The following MEMO1 variants were observed in gnomAD, a reference collection of about 807,000 sequenced individuals.
The protein encoded by MEMO1 is protein MEMO1.
A neutral mutation model predicts 45.2 loss-of-function variants in MEMO1; 6 were observed. The ratio of observed to expected loss-of-function variants is 0.13; its 90% confidence interval spans 0.07 to 0.26. MEMO1 has a LOEUF of 0.26. Among genes scored for constraint, MEMO1 ranks in the 10% least tolerant of loss-of-function variants. The pLI, the probability that MEMO1 is intolerant of heterozygous loss-of-function variation, is 1.00. For synonymous variants in MEMO1, 78 were observed against 124.3 expected (o/e 0.63, Z 2.48); for missense variants, 184 against 370.5 (o/e 0.50, Z 4.13).
intron 2 of MEMO1, among the ~76,000 whole-genome samples, chr2:32,002,502 T>A (rs887378417): frequency 6.6e-6 from 1 of 151,944 alleles, no homozygotes; most frequent in Admixed American, 6.6e-5. Flanking sequence ...TAGGATAAAG[T>A]AAGTTCAGTG....
rs376669419 is a variant in MEMO1, at chr2:31,897,830, A to G, written c.438-5696T>C. Among the ~76,000 whole-genome samples, 740 of 150,712 alleles carry G rather than the reference A, an allele frequency of 4.9e-3. 5 individuals are homozygous for G. Among genetic ancestry groups the G allele is most frequent in the Middle Eastern group, 0.025 (7 of 278 alleles). ...TTTGTACCTCTGGTAGAATTCAGCT[A>G]TGAATGCATCTGGTCCTGGGCTTTT... is the stretch of plus-strand genomic sequence containing the variant. On this transcript the variant is annotated intron_variant, in intron 6 of 9. Coordinates refer to ENST00000404530, the MANE Select transcript of MEMO1 (RefSeq NM_001301833.4).
chr2:31,869,159 C>T (rs1673292696), intron 9 of MEMO1, among the ~76,000 whole-genome samples: 1 of 152,146 alleles, frequency 6.6e-6, no homozygotes, highest in African/African-American at 2.4e-5. Flanking sequence ...AAGGTCCTAA[C>T]TTAGTCTATT....
At chr2:31,906,451 G>A (rs951649453) in intron 6 of MEMO1, among the ~76,000 whole-genome samples, 3 of 151,856 alleles carry the variant, frequency 2.0e-5, no homozygotes, top group Non-Finnish European at 4.4e-5. Flanking sequence ...AACCTCCCAA[G>A]TAGCTTGGAT....
chr2:31,982,957 G>A (rs1027743359), intron 2 of MEMO1, among the ~76,000 whole-genome samples: 1 of 151,956 alleles, frequency 6.6e-6, no homozygotes, highest in Non-Finnish European at 1.5e-5. Flanking sequence ...AATATACATA[G>A]GCCAGGTGCA....
chr2:31,879,309 A>T (rs546440332), intron 8 of MEMO1, among the ~76,000 whole-genome samples: 1 of 152,216 alleles, frequency 6.6e-6, no homozygotes, highest in East Asian at 1.9e-4. Context: ...GCTCATTCTC[A>T]GTTCTCTCTA....
At chr2:31,965,769 A>G (rs1340663226) in intron 2 of MEMO1, among the ~76,000 whole-genome samples, 2 of 152,258 alleles carry the variant, frequency 1.3e-5, no homozygotes, top group East Asian at 1.9e-4. Context: ...GAGCTGAACA[A>G]TGAGAACACA....
chr2:31,885,177 T>C (rs1676006916), intron 7 of MEMO1, among the ~76,000 whole-genome samples: 1 of 152,150 alleles, frequency 6.6e-6, no homozygotes, highest in Non-Finnish European at 1.5e-5. Flanking sequence ...TAGAGTGCAG[T>C]GGTGCAATCT....
chr2:31,969,316 A>G lies in MEMO1; in HGVS notation c.62-25933T>C, dbSNP rs371619252. Among the ~76,000 whole-genome samples the G allele has an allele frequency of 5.3e-5, 8 of 150,606 alleles. No individual in the cohort carries two copies. In the East Asian group the frequency reaches 1.6e-3, roughly 29 times the overall value. ...ACATAATATATATACACATATATAC[A>G]TGTGTGATATGTGTGTATATATACA... On this transcript the variant is annotated intron_variant, in intron 2 of 9. Coordinates refer to ENST00000404530, the MANE Select transcript of MEMO1 (RefSeq NM_001301833.4).
chr2:31,962,790 G>C (rs1437799795), intron 2 of MEMO1, among the ~76,000 whole-genome samples: 1 of 152,144 alleles, frequency 6.6e-6, no homozygotes, highest in East Asian at 1.9e-4. Flanking sequence ...TTAATTTTAT[G>C]TGTTGACTTA....
At chr2:32,007,042 C>T (rs987299969) in intron 2 of MEMO1, among the ~76,000 whole-genome samples, 7 of 150,290 alleles carry the variant, frequency 4.7e-5, no homozygotes, top group African/African-American at 1.5e-4. Context: ...CTATTTGCAT[C>T]ATATTAGTCC....
chr2:31,914,515 A>C (rs1469591614), intron 6 of MEMO1, among the ~76,000 whole-genome samples: 1 of 152,206 alleles, frequency 6.6e-6, no homozygotes, highest in Non-Finnish European at 1.5e-5. Context: ...GGAACACTAA[A>C]GATAAATGCT....
At chr2:31,895,401 T>C (rs941211599) in intron 6 of MEMO1, among the ~76,000 whole-genome samples, 1 of 152,132 alleles carries the variant, frequency 6.6e-6, no homozygotes, top group African/African-American at 2.4e-5. Context: ...TATAACTAAA[T>C]AGGGAATATC....
intron 8 of MEMO1, among the ~76,000 whole-genome samples, chr2:31,878,707 C>A (rs1485913500): frequency 6.6e-6 from 1 of 152,028 alleles, no homozygotes; most frequent in Non-Finnish European, 1.5e-5. Flanking sequence ...TGCTAAAGAC[C>A]ATGTCCAGGA....
At chr2:31,957,932 G>C (rs1430417910) in intron 2 of MEMO1, among the ~76,000 whole-genome samples, 6 of 152,156 alleles carry the variant, frequency 3.9e-5, no homozygotes, top group African/African-American at 1.4e-4. Flanking sequence ...CACTAGTACT[G>C]CAAGTGCCAG....
chr2:32,007,173 T>C (rs1359360943), intron 2 of MEMO1, among the ~76,000 whole-genome samples: 3 of 152,118 alleles, frequency 2.0e-5, no homozygotes, highest in African/African-American at 7.2e-5. Flanking sequence ...TCATGAACTA[T>C]GCCCCTGTGT....
intron 2 of MEMO1, among the ~76,000 whole-genome samples, chr2:31,987,135 C>A (rs1472561431): frequency 6.6e-6 from 1 of 152,142 alleles, no homozygotes; most frequent in Non-Finnish European, 1.5e-5. Flanking sequence ...TCCCCAGCAA[C>A]TGGGACTACA....
intron 8 of MEMO1, among the ~76,000 whole-genome samples, chr2:31,875,285 C>CA (rs1674398793): frequency 6.6e-6 from 1 of 152,004 alleles, no homozygotes; most frequent in South Asian, 2.1e-4. Context: ...TAAGGTAAAT[C>CA]AGATGCAAAC....
At chr2:31,912,609 A>G (rs745986377) in intron 6 of MEMO1, among the ~76,000 whole-genome samples, 81 of 152,058 alleles carry the variant, frequency 5.3e-4, no homozygotes, top group Admixed American at 2.0e-3. Flanking sequence ...GAAAGTAATC[A>G]TAAGAAAAAA....
chr2:31,938,524 T>G (rs1042793383), intron 3 of MEMO1, among the ~76,000 whole-genome samples: 3 of 151,798 alleles, frequency 2.0e-5, no homozygotes, highest in Non-Finnish European at 2.9e-5. Flanking sequence ...GGTGGGCGAC[T>G]GTAGTCCCAG....
Sources: gnomAD v4.1 joint callset for allele counts (sites outside exome capture counted in the v4.1 genomes callset) on GRCh38, gnomAD v4.1.1 for gene constraint, MANE v1.5 for transcripts, NCBI Gene and HGNC (gene_info 2026-07-23, HGNC 2026-07-21) for gene names.